Variants in ATP6V0B observed in about 807,000 individuals in gnomAD.
ATP6V0B encodes V-type proton ATPase 21 kDa proteolipid subunit c''.
Under a neutral mutation model 26.2 loss-of-function variants are expected in ATP6V0B, and 4 were observed. That is an observed-to-expected ratio of 0.15 (90% CI 0.08 to 0.35). ATP6V0B has a LOEUF of 0.35. Ranked by LOEUF, ATP6V0B falls within the 10% of genes least tolerant of loss-of-function variation. ATP6V0B has a pLI of 1.00. For missense variants in ATP6V0B, 175 were observed against 272.5 expected, an observed-to-expected ratio of 0.64 and a Z score of 2.52; for synonymous variants, 110 against 105.8, an observed-to-expected ratio of 1.04 and a Z score of -0.24.
intron 1 of ATP6V0B, chr1:43,975,572 G>T: frequency 1.7e-6 from 1 of 599,276 alleles, no homozygotes; most frequent in Admixed American, 3.3e-5. Flanking sequence ...TGCGGGTGGC[G>T]ACCCTGCCTG....
In ATP6V0B at chr1:43,975,089, G is replaced by A; in HGVS notation, c.49G>A (p.Ala17Thr). The A allele has an allele frequency of 1.4e-6, 2 of 1,410,250 alleles. No individual in the cohort carries two copies. The highest frequency in any genetic ancestry group is 9.2e-7 in the Non-Finnish European group (1 of 1,087,906). The allele number at this position is 1,410,250 out of a possible 1,614,324, so 87.4% of individuals were successfully genotyped here. A position where few individuals can be genotyped will look rare whatever the true frequency, so the allele number is the denominator to read the frequency against. The change falls in exon 1 of 8, where the codon GCC becomes ACC. Residue 17 changes from alanine to threonine, a missense_variant. Coordinates refer to ENST00000472174, the MANE Select transcript of ATP6V0B (RefSeq NM_004047.5). ...CTCCGGGGTCTTCGTGGCCTTCTGG[G>A]CCTGCGCGCTGGCCGTGGGTGAGGC... ...LYSGVFVAFW[A>T]CALAVGVCYT...
intron 7 of ATP6V0B, chr1:43,977,654 TTG>T (rs2085537302): frequency 9.1e-6 from 13 of 1,421,176 alleles, no homozygotes; most frequent in East Asian, 2.5e-5. Context: ...ATTGTCTAAA[TTG>T]TGTGTGTCTA....
intron 1 of ATP6V0B, 91 bp downstream of exon 1, chr1:43,975,198 G>C (rs775532533): frequency 2.2e-6 from 3 of 1,341,208 alleles, no homozygotes; most frequent in Non-Finnish European, 2.9e-6. Context: ...GGGAATACTG[G>C]CCCCCCGCGC....
At position 43,976,263 on chromosome 1, in the gene ATP6V0B, G is replaced by C; in HGVS notation, c.201-39G>C. ...CTTAGGCATGCTGAGGGCAGTGACA[G>C]CTTGGGCTCTGCTCATCAGTTTTTT... On this transcript the variant is annotated intron_variant, in intron 3 of 7. Coordinates refer to ENST00000472174, the MANE Select transcript of ATP6V0B (RefSeq NM_004047.5). This position sits in a 1 kb window ranked among gnomAD's most constrained non-coding sequence, Gnocchi z 4.6. The C allele has an allele frequency of 7.4e-6, 12 of 1,610,868 alleles. No individual in the cohort carries two copies. The highest frequency in any genetic ancestry group is 8.5e-6 in the Non-Finnish European group (10 of 1,177,144).
Position 43,976,157 on chromosome 1 carries a change from G to C in ATP6V0B, c.184G>C (p.Val62Leu), listed in dbSNP as rs764184905. Residue 62 changes from valine to leucine, a missense_variant, in exon 3 of 8, where the codon GTG (valine) becomes CTG (leucine). Val to Leu is a conservative substitution (Grantham distance 32). Transcript: ENST00000472174. This position sits in a 1 kb window ranked among gnomAD's most constrained non-coding sequence, Gnocchi z 4.6. Reference protein sequence around the residue: ...LGIGLAISLSVVGAAWGIYIT... With the variant: ...LGIGLAISLSLVGAAWGIYIT... The stretch of plus-strand genomic sequence containing the variant: ...CATTGGCCTAGCTATCTCCCTGTCT[G>C]TGGTTGGGGCAGCCTGGTGAGTATT... 1 of 1,614,068 alleles carries C rather than the reference G, an allele frequency of 6.2e-7. No individual in the cohort carries two copies. Among genetic ancestry groups the C allele is most frequent in the Non-Finnish European group, 8.5e-7 (1 of 1,179,968 alleles).
intron 7 of ATP6V0B, 130 bp downstream of exon 7, chr1:43,977,346 C>T: frequency 6.4e-7 from 1 of 1,562,820 alleles, no homozygotes; most frequent in Non-Finnish European, 8.6e-7. Context: ...TCCACCTCCT[C>T]ATTTCCATCT....
In ATP6V0B at chr1:43,976,531, G is replaced by GTTTCTTTCTCA. The variant is rs1379781859; in HGVS notation, c.279-48_279-38dup. The GTTTCTTTCTCA allele has an allele frequency of 1.7e-5, 27 of 1,597,704 alleles. No homozygotes were observed. The highest frequency in any genetic ancestry group is 1.7e-4 in the Middle Eastern group (1 of 6,042). ...GGGGACTTACTGGGCAGGAAGGACG[G>GTTTCTTTCTCA]TTTCTTTCTCATTTCTTTCTCCTTT... On this transcript the variant is annotated intron_variant, in intron 4 of 7. Transcript: ENST00000472174. This position sits in a 1 kb window ranked among gnomAD's most constrained non-coding sequence, Gnocchi z 4.6.
At position 43,976,186 on chromosome 1, in the gene ATP6V0B, G is replaced by A. The variant is rs1310006047; in HGVS notation, c.200+13G>A. The A allele has an allele frequency of 1.2e-6, 2 of 1,613,108 alleles. No individual in the cohort carries two copies. The highest frequency in any genetic ancestry group is 1.7e-6 in the Non-Finnish European group (2 of 1,179,320). On this transcript the variant is annotated intron_variant, in intron 3 of 7. Transcript: ENST00000472174. The surrounding 1 kb of genome is among the most constrained non-coding windows in gnomAD (Gnocchi z 4.6). ...TTGGGGCAGCCTGGTGAGTATTGGGGTGGTGGGACTGGGGGCAGGGGCTGA... is the reference window on the plus strand; with the variant it reads ...TTGGGGCAGCCTGGTGAGTATTGGGATGGTGGGACTGGGGGCAGGGGCTGA...
In ATP6V0B at chr1:43,976,885, C is replaced by T. The variant is rs191439288; in HGVS notation, c.400+61C>T. The T allele has an allele frequency of 1.8e-3, 2,922 of 1,607,006 alleles. 4 individuals carry two copies. Among genetic ancestry groups the T allele is most frequent in the Non-Finnish European group, 2.3e-3 (2,720 of 1,173,892 alleles). On this transcript the variant is annotated intron_variant, in intron 6 of 7. Coordinates refer to ENST00000472174, the MANE Select transcript of ATP6V0B (RefSeq NM_004047.5). This position sits in a 1 kb window ranked among gnomAD's most constrained non-coding sequence, Gnocchi z 4.6. ...ACTTCATGCCTGCTTCCACTCTCCC[C>T]CATCCCAGCTTGGGCCATCATTTTG...
intron 1 of ATP6V0B, chr1:43,975,370 C>T: frequency 3.5e-6 from 2 of 566,932 alleles, no homozygotes; most frequent in South Asian, 2.0e-5. Context: ...CTCGCTCCCA[C>T]GTCTCACTGC....
intron 7 of ATP6V0B, 190 bp from the exon 8 acceptor site, chr1:43,977,791 G>T: frequency 6.5e-7 from 1 of 1,527,326 alleles, no homozygotes; most frequent in Admixed American, 2.0e-5. Context: ...CTCTCCGTCT[G>T]TCCCACAGCG....
rs761741458 is a variant in ATP6V0B, at chr1:43,976,426, C to T, written c.278+47C>T. 66 of 1,567,632 alleles carry T rather than the reference C, an allele frequency of 4.2e-5. No homozygotes were observed. The highest frequency in any genetic ancestry group is 5.2e-5 in the Non-Finnish European group (59 of 1,145,528). On this transcript the variant is annotated intron_variant, in intron 4 of 7. Coordinates refer to ENST00000472174, the MANE Select transcript of ATP6V0B (RefSeq NM_004047.5). The surrounding 1 kb of genome is among the most constrained non-coding windows in gnomAD (Gnocchi z 4.6). Reference sequence around the variant, plus strand: ...CTTTTGTCAGAACCAGCTGTGTTGGCGCTGCCTGTGTGTTTGATCTGACAT... The same window carrying T: ...CTTTTGTCAGAACCAGCTGTGTTGGTGCTGCCTGTGTGTTTGATCTGACAT...
At chr1:43,975,198 GC>G in intron 1 of ATP6V0B, 91 bp downstream of exon 1, 5 of 1,341,188 alleles carry the variant, frequency 3.7e-6, no homozygotes, top group South Asian at 3.0e-5. Flanking sequence ...GGGAATACTG[GC>G]CCCCCGCGCG....
chr1:43,976,529 C>A lies in ATP6V0B; in HGVS notation c.279-61C>A. The A allele has an allele frequency of 6.3e-7, 1 of 1,591,724 alleles. No individual in the cohort carries two copies. Among genetic ancestry groups the A allele is most frequent in the Non-Finnish European group, 8.6e-7 (1 of 1,160,232 alleles). On this transcript the variant is annotated intron_variant, in intron 4 of 7. Coordinates refer to ENST00000472174, the MANE Select transcript of ATP6V0B (RefSeq NM_004047.5). The surrounding 1 kb of genome is among the most constrained non-coding windows in gnomAD (Gnocchi z 4.6). ...CTGGGGACTTACTGGGCAGGAAGGA[C>A]GGTTTCTTTCTCATTTCTTTCTCCT...
chr1:43,977,564 ATATC>A, intron 7 of ATP6V0B: 1 of 1,425,600 alleles, frequency 7.0e-7, no homozygotes. Context: ...TTGTCTGTCT[ATATC>A]AGTCTGTCAT....
intron 1 of ATP6V0B, 93 bp downstream of exon 1, chr1:43,975,200 C>A (rs948351043): frequency 7.5e-7 from 1 of 1,336,140 alleles, no homozygotes; most frequent in Non-Finnish European, 9.9e-7. Context: ...GAATACTGGC[C>A]CCCCGCGCGC....
Position 43,976,405 on chromosome 1 carries a change from T to G in ATP6V0B, c.278+26T>G. 1 of 1,598,178 alleles carries G rather than the reference T, an allele frequency of 6.3e-7. No individual in the cohort carries two copies. Among genetic ancestry groups the G allele is most frequent in the Non-Finnish European group, 8.5e-7 (1 of 1,170,222 alleles). ...GTAAGTGTCAGGGTCCTTGGACTTT[T>G]GTCAGAACCAGCTGTGTTGGCGCTG... On this transcript the variant is annotated intron_variant, in intron 4 of 7. Transcript: ENST00000472174. The surrounding 1 kb of genome is among the most constrained non-coding windows in gnomAD (Gnocchi z 4.6).
rs1377129190 is a variant in ATP6V0B, at chr1:43,976,116, T to C, written c.143T>C (p.Met48Thr). ...TTCCTGACGGAGACTTCGCCCTTCA[T>C]GTGGTCCAACCTGGGCATTGGCCTA... ...AWFLTETSPFMWSNLGIGLAI... is the reference protein window; with the variant it reads ...AWFLTETSPFTWSNLGIGLAI... The change falls in exon 3 of 8, where the codon ATG (methionine) becomes ACG (threonine). Residue 48 changes from methionine to threonine, a missense_variant. Transcript: ENST00000472174. This position sits in a 1 kb window ranked among gnomAD's most constrained non-coding sequence, Gnocchi z 4.6. The C allele has an allele frequency of 6.2e-7, 1 of 1,614,110 alleles. No individual in the cohort carries two copies. The highest frequency in any genetic ancestry group is 8.5e-7 in the Non-Finnish European group (1 of 1,179,988).
chr1:43,977,267 T>C (rs777782694), intron 7 of ATP6V0B, 51 bp downstream of exon 7: 7 of 1,614,116 alleles, frequency 4.3e-6, no homozygotes, highest in Non-Finnish European at 5.9e-6. Flanking sequence ...AACCTAGCCT[T>C]ACCCTCCTTC....
Sources: gnomAD v4.1 joint callset for allele counts on GRCh38, gnomAD v4.1.1 for gene constraint, Gnocchi (gnomAD v3.1) non-coding constraint, MANE v1.5 for transcripts, NCBI Gene and HGNC (gene_info 2026-07-23, HGNC 2026-07-21) for gene names.